DDHD1: variants seen among roughly 807,000 people sequenced by gnomAD.
The protein encoded by DDHD1 is DDHD domain containing 1, also known as phospholipase DDHD1.
Under a neutral mutation model 96.4 loss-of-function variants are expected in DDHD1, and 49 were observed. The observed-to-expected ratio is 0.51, with a 90% confidence interval of 0.40 to 0.64. The LOEUF is 0.64. DDHD1 is among the 30% of genes least tolerant of loss of function. The pLI, the probability that DDHD1 is intolerant of heterozygous loss-of-function variation, is 0.00. For missense variants in DDHD1, 1,106 were observed against 1,161.2 expected, an observed-to-expected ratio of 0.95 and a Z score of 0.69; for synonymous variants, 442 against 446.5, an observed-to-expected ratio of 0.99 and a Z score of 0.13.
chr14:53,048,938 A>G (rs1017913403), intron 12 of DDHD1: 1 of 152,228 alleles, frequency 6.6e-6, no homozygotes, highest in African/African-American at 2.4e-5. Flanking sequence ...ATAATTTTTA[A>G]GACTTCACTT....
chr14:53,118,663 GAA>G (rs1378376760), intron 1 of DDHD1, among the ~76,000 whole-genome samples: 1 of 152,206 alleles, frequency 6.6e-6, no homozygotes, highest in Admixed American at 6.5e-5. Context: ...GGGACTATGT[GAA>G]AAGACCAAAT....
At chr14:53,124,907 G>T (rs1240069114) in intron 1 of DDHD1, among the ~76,000 whole-genome samples, 1 of 152,126 alleles carries the variant, frequency 6.6e-6, no homozygotes, top group Non-Finnish European at 1.5e-5. Context: ...TTGATCTAAG[G>T]CCTCTCTCCT....
chr14:53,132,914 T>C (rs1315472588), intron 1 of DDHD1, among the ~76,000 whole-genome samples: 1 of 152,124 alleles, frequency 6.6e-6, no homozygotes, highest in Non-Finnish European at 1.5e-5. Flanking sequence ...CACCGGTCAC[T>C]CCCACCTACT....
chr14:53,138,989 T>A (rs1890439398), intron 1 of DDHD1, among the ~76,000 whole-genome samples: 1 of 151,386 alleles, frequency 6.6e-6, no homozygotes, highest in Non-Finnish European at 1.5e-5. Context: ...TTACTCCCTA[T>A]CTCACCTAAG....
intron 1 of DDHD1, 115 bp from the exon 2 acceptor site, chr14:53,103,971 G>C (rs182313793): frequency 1.2e-6 from 1 of 813,382 alleles, no homozygotes; most frequent in East Asian, 2.9e-5. Context: ...AGATTTTCAT[G>C]ACCCAATACA....
At chr14:53,070,476 T>C (rs73294027) in intron 6 of DDHD1, among the ~76,000 whole-genome samples, 5,115 of 152,268 alleles carry the variant, frequency 0.034, 295 homozygotes, top group African/African-American at 0.11. Context: ...TTCCTATTGA[T>C]ACTATTTTGG....
chr14:53,070,959 TACAGGCAGCA>T (rs1310660459), intron 6 of DDHD1, among the ~76,000 whole-genome samples: 3 of 152,168 alleles, frequency 2.0e-5, no homozygotes, highest in African/African-American at 7.2e-5. Flanking sequence ...CAGAGGGATC[TACAGGCAGCA>T]ACACATCTGT....
In DDHD1 at chr14:53,043,484, T is replaced by C. The variant is rs1054672095; in HGVS notation, c.*3284A>G. On this transcript the variant is annotated 3_prime_UTR_variant, in exon 13 of 13. Transcript: ENST00000673822. Reference sequence around the variant, plus strand: ...CTCTGTCACCCAAGGTGGAGTGCAGTGGTGCAATCTTGGCTCACTGAAGCC... The same window carrying C: ...CTCTGTCACCCAAGGTGGAGTGCAGCGGTGCAATCTTGGCTCACTGAAGCC... 2 of 151,912 alleles carry C rather than the reference T, an allele frequency of 1.3e-5. No individual in the cohort carries two copies. Among genetic ancestry groups the C allele is most frequent in the Non-Finnish European group, 2.9e-5 (2 of 68,092 alleles). The allele number at this position is 151,912 out of a possible 1,614,324, so 9.4% of individuals were successfully genotyped here.
At chr14:53,115,102 G>A (rs764118736) in intron 1 of DDHD1, among the ~76,000 whole-genome samples, 35 of 152,046 alleles carry the variant, frequency 2.3e-4, no homozygotes, top group Non-Finnish European at 4.1e-4. Context: ...TAGCCAAATC[G>A]ATCAAGTGGA....
intron 1 of DDHD1, among the ~76,000 whole-genome samples, chr14:53,117,875 T>C (rs763040605): frequency 6.6e-6 from 1 of 152,170 alleles, no homozygotes; most frequent in Non-Finnish European, 1.5e-5. Flanking sequence ...GACCCCTGTG[T>C]TGCCTGACTG....
intron 4 of DDHD1, among the ~76,000 whole-genome samples, chr14:53,089,712 A>G (rs1337448597): frequency 6.6e-6 from 1 of 152,256 alleles, no homozygotes; most frequent in Non-Finnish European, 1.5e-5. Context: ...AGATGGATTA[A>G]GGACTTAAAT....
rs778033927 is a variant in DDHD1 at position 53,044,676 on chromosome 14, T to C, written c.*2092A>G. ...TGCTAAGATTTCATCAAAAGCCTTT[T>C]ATAGCAAGGGTTTCTTAGTGAGTCA... On this transcript the variant is annotated 3_prime_UTR_variant, in exon 13 of 13. Transcript: ENST00000673822. 6.6e-6 allele frequency: 1 copy of C among 152,224 alleles called. No homozygotes were observed. Among genetic ancestry groups the C allele is most frequent in the Non-Finnish European group, 1.5e-5 (1 of 68,030 alleles). The allele number at this position is 152,224 out of a possible 1,614,324, so 9.4% of individuals were successfully genotyped here. A position where few individuals can be genotyped will look rare whatever the true frequency, so the allele number is the denominator to read the frequency against.
intron 4 of DDHD1, among the ~76,000 whole-genome samples, chr14:53,081,466 T>A (rs1467240148): frequency 6.6e-6 from 1 of 152,190 alleles, no homozygotes; most frequent in Non-Finnish European, 1.5e-5. Context: ...AAGAGTTCAT[T>A]TAGATTAGTG....
chr14:53,045,554 T>A lies in DDHD1; in HGVS notation c.*1214A>T, dbSNP rs574864626. 1.3e-5 allele frequency: 2 copies of A among 152,338 alleles called. No homozygotes were observed. The highest frequency in any genetic ancestry group is 1.3e-4 in the Admixed American group (2 of 15,300). 9.4% of individuals were successfully genotyped at this position (152,338 alleles called of 1,614,324 possible). A position where few individuals can be genotyped will look rare whatever the true frequency, so the allele number is the denominator to read the frequency against. ...CAAGCTTTTCTGATTTCTGATGTAATCTAATTCATGGCACTTTAAATGTTT... is the reference window on the plus strand; with the variant it reads ...CAAGCTTTTCTGATTTCTGATGTAAACTAATTCATGGCACTTTAAATGTTT... On this transcript the variant is annotated 3_prime_UTR_variant, in exon 13 of 13. Coordinates refer to ENST00000673822, the MANE Select transcript of DDHD1 (RefSeq NM_001160148.2).
rs537920452 is a variant in DDHD1 at position 53,044,933 on chromosome 14, C to T, written c.*1835G>A. On this transcript the variant is annotated 3_prime_UTR_variant, in exon 13 of 13. Coordinates refer to ENST00000673822, the MANE Select transcript of DDHD1 (RefSeq NM_001160148.2). ...TGATTATTGGGAAGCTAAGCAATTCCTTGCAAGTTAAGAAAAGACAGCACC... is the reference window on the plus strand; with the variant it reads ...TGATTATTGGGAAGCTAAGCAATTCTTTGCAAGTTAAGAAAAGACAGCACC... 4 of 152,262 alleles carry T rather than the reference C, an allele frequency of 2.6e-5. No homozygotes were observed. In the East Asian group the frequency reaches 5.8e-4, roughly 22 times the overall value. 9.4% of individuals were successfully genotyped at this position (152,262 alleles called of 1,614,324 possible). A position where few individuals can be genotyped will look rare whatever the true frequency, so the allele number is the denominator to read the frequency against.
At chr14:53,090,075 A>G (rs984644137) in intron 4 of DDHD1, among the ~76,000 whole-genome samples, 17 of 152,236 alleles carry the variant, frequency 1.1e-4, no homozygotes, top group African/African-American at 4.1e-4. Flanking sequence ...ATATGAAGAG[A>G]CACTTCTCAA....
chr14:53,046,845 C>T lies in DDHD1; in HGVS notation c.2626G>A (p.Val876Ile), dbSNP rs755453442. The T allele has an allele frequency of 6.2e-7, 1 of 1,613,390 alleles. No homozygotes were observed. Among genetic ancestry groups the T allele is most frequent in the South Asian group, 1.1e-5 (1 of 91,022 alleles). ...ATGAAGGTTAAAAGAAAAAGGGCAA[C>T]ATCCAAGGATGACCAATAGGCAGTA... is the stretch of plus-strand genomic sequence containing the variant. Reference protein sequence around the residue: ...SHTAYWSSLDVALFLLTFMYK... With the variant: ...SHTAYWSSLDIALFLLTFMYK... Residue 876 changes from valine (V) to isoleucine (I), a missense_variant, in exon 13 of 13, where the codon GTT becomes ATT. Coordinates refer to ENST00000673822, the MANE Select transcript of DDHD1 (RefSeq NM_001160148.2).
chr14:53,116,334 A>C (rs576913138), intron 1 of DDHD1, among the ~76,000 whole-genome samples: 86 of 152,324 alleles, frequency 5.6e-4, no homozygotes, highest in African/African-American at 2.0e-3. Context: ...AAAATTAACA[A>C]GGATATTCAG....
At chr14:53,111,475 G>C (rs1888102114) in intron 1 of DDHD1, among the ~76,000 whole-genome samples, 1 of 152,166 alleles carries the variant, frequency 6.6e-6, no homozygotes, top group South Asian at 2.1e-4. Flanking sequence ...TTACAGCACA[G>C]GCATCAGGCT....
Sources: gnomAD v4.1 joint callset for allele counts (sites outside exome capture counted in the v4.1 genomes callset) on GRCh38, gnomAD v4.1.1 for gene constraint, MANE v1.5 for transcripts, NCBI Gene and HGNC (gene_info 2026-07-23, HGNC 2026-07-21) for gene names.